Variants in CSMD1 observed in about 807,000 individuals in gnomAD.
CSMD1 encodes CUB and Sushi multiple domains 1.
CSMD1 carries 213 observed loss-of-function variants against 417.5 expected under a neutral mutation model. The observed-to-expected ratio is 0.51, with a 90% CI of 0.46 to 0.57. CSMD1 has a LOEUF of 0.57. CSMD1 is among the 20% of genes least tolerant of loss of function. The pLI is 0.00. For synonymous variants in CSMD1, 2,862 were observed against 1,736.8 expected (o/e 1.65, Z -16.11); for missense variants, 6,923 against 4,529.7 (o/e 1.53, Z -15.17).
chr8:4,224,226 C>G (rs1386862540), intron 3 of CSMD1, among the ~76,000 whole-genome samples: 1 of 11,750 alleles, frequency 8.5e-5, no homozygotes, highest in Non-Finnish European at 1.6e-4. Flanking sequence ...CTAAAAAGGC[C>G]TTTTTCAGAA....
At chr8:4,338,388 G>A (rs1023224263) in intron 3 of CSMD1, among the ~76,000 whole-genome samples, 2 of 151,994 alleles carry the variant, frequency 1.3e-5, no homozygotes, top group East Asian at 1.9e-4. Context: ...TGCAAATTAC[G>A]TAAAAGTACA....
chr8:4,150,758 G>A (rs1005001443), intron 3 of CSMD1, among the ~76,000 whole-genome samples: 1 of 152,142 alleles, frequency 6.6e-6, no homozygotes, highest in Non-Finnish European at 1.5e-5. Flanking sequence ...AAACCAACCT[G>A]CTTTATCTAA....
intron 2 of CSMD1, among the ~76,000 whole-genome samples, chr8:4,567,706 G>C (rs1026934460): frequency 6.6e-5 from 10 of 152,032 alleles, no homozygotes; most frequent in African/African-American, 1.9e-4. Flanking sequence ...TTATAGCTGG[G>C]CCAATTCCAA....
chr8:3,641,664 T>A (rs1046259857), intron 7 of CSMD1, among the ~76,000 whole-genome samples: 1 of 152,178 alleles, frequency 6.6e-6, no homozygotes, highest in Non-Finnish European at 1.5e-5. Flanking sequence ...GAATTTCAAA[T>A]ACAGCTTTTG....
At chr8:4,436,520 C>T (rs1284279709) in intron 2 of CSMD1, among the ~76,000 whole-genome samples, 2 of 152,110 alleles carry the variant, frequency 1.3e-5, no homozygotes, top group Non-Finnish European at 2.9e-5. Context: ...AACATTTATC[C>T]TTCAAGTAAC....
intron 3 of CSMD1, among the ~76,000 whole-genome samples, chr8:4,305,971 T>C (rs1054537669): frequency 3.9e-5 from 6 of 152,182 alleles, no homozygotes; most frequent in African/African-American, 9.6e-5. Flanking sequence ...TACTGATACA[T>C]AGTGTGCCCA....
At chr8:3,572,714 G>A (rs757864248) in intron 10 of CSMD1, among the ~76,000 whole-genome samples, 12 of 152,112 alleles carry the variant, frequency 7.9e-5, no homozygotes, top group African/African-American at 2.4e-4. Context: ...TTCTGGTCTC[G>A]ATCACATCTC....
intron 26 of CSMD1, among the ~76,000 whole-genome samples, chr8:3,266,747 C>T (rs187690760): frequency 4.7e-5 from 7 of 150,522 alleles, no homozygotes; most frequent in Admixed American, 1.3e-4. Context: ...TGCACTCCAG[C>T]CTGGGCGAAA....
At chr8:3,156,219 G>A (rs562848452) in intron 39 of CSMD1, among the ~76,000 whole-genome samples, 1 of 152,300 alleles carries the variant, frequency 6.6e-6, no homozygotes, top group African/African-American at 2.4e-5. Flanking sequence ...TGGCATGTTT[G>A]AGGCTGACTG....
At chr8:4,146,108 T>C (rs575503829) in intron 3 of CSMD1, among the ~76,000 whole-genome samples, 1 of 150,946 alleles carries the variant, frequency 6.6e-6, no homozygotes, top group Admixed American at 6.6e-5. Flanking sequence ...ACCAACATAA[T>C]GGCAGTCGGT....
At chr8:4,008,609 T>C (rs1051435105) in intron 4 of CSMD1, among the ~76,000 whole-genome samples, 14 of 130,746 alleles carry the variant, frequency 1.1e-4, no homozygotes, top group Non-Finnish European at 1.6e-4. Flanking sequence ...TCTTTTTTTT[T>C]TTTTTTTTTT....
intron 23 of CSMD1, among the ~76,000 whole-genome samples, chr8:3,314,021 C>A (rs550018551): frequency 4.0e-5 from 6 of 150,952 alleles, no homozygotes; most frequent in Non-Finnish European, 7.4e-5. Flanking sequence ...ATCACAAGGA[C>A]AAAAAACCAA....
intron 1 of CSMD1, among the ~76,000 whole-genome samples, chr8:4,898,566 T>C (rs1289495627): frequency 6.6e-6 from 1 of 152,210 alleles, no homozygotes; most frequent in African/African-American, 2.4e-5. Flanking sequence ...AGGGTGAGCA[T>C]GGCTCACAAA....
intron 3 of CSMD1, among the ~76,000 whole-genome samples, chr8:4,194,209 C>A (rs73658460): frequency 1.3e-5 from 2 of 152,094 alleles, no homozygotes; most frequent in African/African-American, 2.4e-5. Context: ...TACTAAATTT[C>A]TTTCGTCCAG....
In CSMD1 at chr8:3,343,374, T is replaced by G; in HGVS notation, c.3551A>C (p.Asn1184Thr). The G allele has an allele frequency of 6.2e-7, 1 of 1,613,798 alleles. No homozygotes were observed. Among genetic ancestry groups the G allele is most frequent in the Non-Finnish European group, 8.5e-7 (1 of 1,179,740 alleles). ...TAGCCACAGGTGATTGGATGTGCTG[T>G]TTAGGATCAGCCCCAGAAGTTCATT... Reference protein sequence around the residue: ...TKNELLGLILNSTSNHLWLEF... With the variant: ...TKNELLGLILTSTSNHLWLEF... The change falls in exon 23 of 70, where the codon AAC becomes ACC. Residue 1184 changes from asparagine (N) to threonine (T), a missense_variant. Physicochemically the swap from Asn to Thr is moderately conservative, Grantham distance 65 (BLOSUM62 0). Coordinates refer to ENST00000635120, the MANE Select transcript of CSMD1 (RefSeq NM_033225.6).
In CSMD1 at chr8:4,334,243, T is replaced by C. The variant is rs992458496; in HGVS notation, c.415+85710A>G. ...GTTTGTATCATCCAATAACTTAATG[T>C]GTATGATAAGGTGCTTAAAAGTATG... On this transcript the variant is annotated intron_variant, in intron 3 of 69. Coordinates refer to ENST00000635120, the MANE Select transcript of CSMD1 (RefSeq NM_033225.6). Among the ~76,000 whole-genome samples the C allele has an allele frequency of 4.6e-5, 7 of 152,090 alleles. 1 individual carries two copies. The highest frequency in any genetic ancestry group is 3.9e-4 in the Admixed American group (6 of 15,260).
chr8:4,938,998 C>T (rs78585677), intron 1 of CSMD1, among the ~76,000 whole-genome samples: 2,358 of 152,158 alleles, frequency 0.015, 54 homozygotes, highest in African/African-American at 0.054. Flanking sequence ...TATTTGTTTT[C>T]TTTCTATTGA....
chr8:3,154,143 T>C (rs1425419758), intron 39 of CSMD1, among the ~76,000 whole-genome samples: 1 of 152,146 alleles, frequency 6.6e-6, no homozygotes, highest in Non-Finnish European at 1.5e-5. Flanking sequence ...TGGCTAATTT[T>C]TGTATTTTTA....
intron 1 of CSMD1, among the ~76,000 whole-genome samples, chr8:4,652,179 G>C (rs528089491): frequency 2.6e-5 from 4 of 152,240 alleles, no homozygotes; most frequent in South Asian, 4.1e-4. Flanking sequence ...AAAGCATTGA[G>C]GGATTGCATT....
Sources: allele counts gnomAD v4.1 joint callset (sites outside exome capture counted in the v4.1 genomes callset), GRCh38; gene constraint gnomAD v4.1.1; transcripts MANE v1.5; gene names NCBI Gene and HGNC (gene_info 2026-07-23, HGNC 2026-07-21).